Variants in TSHZ1 observed in about 807,000 individuals in gnomAD.
The protein encoded by TSHZ1 is teashirt homolog 1.
Under a neutral mutation model 67.1 loss-of-function variants are expected in TSHZ1, and 12 were observed. That is an observed-to-expected ratio of 0.18 (90% CI 0.11 to 0.29). The LOEUF is 0.29. Ranked by LOEUF, TSHZ1 falls within the 10% of genes least tolerant of loss-of-function variation. The pLI is 1.00. For synonymous variants in TSHZ1, 632 were observed against 622.4 expected (o/e 1.02, Z -0.23); for missense variants, 1,305 against 1,413.9 (o/e 0.92, Z 1.23).
intron 1 of TSHZ1, among the ~76,000 whole-genome samples, chr18:75,217,739 ATGT>A (rs1483362900): frequency 6.6e-6 from 1 of 152,200 alleles, no homozygotes; most frequent in Non-Finnish European, 1.5e-5. Context: ...CACGAAGAGC[ATGT>A]TGTTATGTTG....
intron 1 of TSHZ1, among the ~76,000 whole-genome samples, chr18:75,278,386 A>G (rs1051469859): frequency 3.3e-5 from 5 of 152,118 alleles, no homozygotes; most frequent in African/African-American, 4.8e-5. Flanking sequence ...TCCTGTTTGG[A>G]GGCACCTGGG....
At chr18:75,241,128 C>T (rs894151959) in intron 1 of TSHZ1, among the ~76,000 whole-genome samples, 5 of 152,128 alleles carry the variant, frequency 3.3e-5, no homozygotes, top group Non-Finnish European at 7.4e-5. Flanking sequence ...TTATTGAGCA[C>T]GTGTTGTTTT....
Position 75,281,879 on chromosome 18 carries a change from C to T in TSHZ1, c.41-3569C>T, listed in dbSNP as rs1231130735. Among the ~76,000 whole-genome samples the T allele has an allele frequency of 6.6e-6, 1 of 152,188 alleles. No individual in the cohort carries two copies. Among genetic ancestry groups the T allele is most frequent in the Non-Finnish European group, 1.5e-5 (1 of 67,972 alleles). On this transcript the variant is annotated intron_variant, in intron 1 of 1. Transcript: ENST00000580243. The surrounding 1 kb of genome is among the most constrained non-coding windows in gnomAD (Gnocchi z 5.3). ...GGCCCAGCCTTCACCCTGGTCCACA[C>T]GGGGCTCCCTGCCTTCCAAAAGTGT...
chr18:75,271,307 CT>C (rs1332094647), intron 1 of TSHZ1, among the ~76,000 whole-genome samples: 1 of 152,214 alleles, frequency 6.6e-6, no homozygotes, highest in Non-Finnish European at 1.5e-5. Context: ...CCTCCAGCCT[CT>C]CCTTCGGATA....
chr18:75,270,446 T>TA (rs1395645127), intron 1 of TSHZ1, among the ~76,000 whole-genome samples: 1 of 152,220 alleles, frequency 6.6e-6, no homozygotes, highest in Middle Eastern at 3.2e-3. Context: ...ATTCTGTGGG[T>TA]ATGAAATGTT....
At chr18:75,231,779 C>T (rs1024522524) in intron 1 of TSHZ1, among the ~76,000 whole-genome samples, 1 of 152,098 alleles carries the variant, frequency 6.6e-6, no homozygotes, top group African/African-American at 2.4e-5. Context: ...GGTGATCCTC[C>T]CGCTTTGGCC....
At chr18:75,228,584 CT>C (rs2022955502) in intron 1 of TSHZ1, among the ~76,000 whole-genome samples, 1 of 152,220 alleles carries the variant, frequency 6.6e-6, no homozygotes, top group African/African-American at 2.4e-5. Context: ...CACAGTTATC[CT>C]TGTGTGCCTA....
At chr18:75,243,109 C>T (rs1390435155) in intron 1 of TSHZ1, among the ~76,000 whole-genome samples, 2 of 152,172 alleles carry the variant, frequency 1.3e-5, no homozygotes, top group Non-Finnish European at 2.9e-5. Context: ...GCAGCTGGGG[C>T]ATGGCTGGCA....
chr18:75,212,210 C>T (rs2022705548), intron 1 of TSHZ1, among the ~76,000 whole-genome samples: 1 of 152,168 alleles, frequency 6.6e-6, no homozygotes, highest in South Asian at 2.1e-4. Flanking sequence ...TTCTGGCTAC[C>T]TCAGGAGGGG....
Position 75,288,285 on chromosome 18 carries a change from C to G in TSHZ1, c.2878C>G (p.Leu960Val). ...QLRRTGGTKF[L>V]KNLDTGHPVF... ...GAGGAGGACAGGGGGAACGAAATTC[C>G]TAAAGAACCTGGACACAGGGCATCC... Residue 960 changes from leucine to valine, a missense_variant, in exon 2 of 2, where the codon CTA (leucine) becomes GTA (valine). By Grantham distance (32) the Leu-to-Val change is conservative. Coordinates refer to ENST00000580243, the MANE Select transcript of TSHZ1 (RefSeq NM_001308210.2). This position sits in a 1 kb window ranked among gnomAD's most constrained non-coding sequence, Gnocchi z 4.9. 6.2e-7 allele frequency: 1 copy of G among 1,614,232 alleles called. No homozygotes were observed. The highest frequency in any genetic ancestry group is 8.5e-7 in the Non-Finnish European group (1 of 1,180,050).
rs1282584271 is a variant in TSHZ1, at chr18:75,286,434, G to A, written c.1027G>A (p.Ala343Thr). ...AGTGCCTCTGAAGGAGCCAGTGCCA[G>A]CCATCACCAAACTGGTCCCCTCCAC... ...QKVPLKEPVPAITKLVPSTKK... is the reference protein window; with the variant it reads ...QKVPLKEPVPTITKLVPSTKK... The change falls in exon 2 of 2, where the codon GCC (alanine) becomes ACC (threonine). Residue 343 changes from alanine to threonine, a missense_variant. Ala to Thr is a moderately conservative substitution (Grantham distance 58). Transcript: ENST00000580243. The surrounding 1 kb of genome is among the most constrained non-coding windows in gnomAD (Gnocchi z 5.1). The A allele has an allele frequency of 1.2e-6, 2 of 1,614,086 alleles. No homozygotes were observed. The highest frequency in any genetic ancestry group is 2.7e-5 in the African/African-American group (2 of 74,938).
At chr18:75,253,101 T>C (rs548223127) in intron 1 of TSHZ1, among the ~76,000 whole-genome samples, 149 of 152,368 alleles carry the variant, frequency 9.8e-4, no homozygotes, top group Non-Finnish European at 1.8e-3. Flanking sequence ...CTATTAAGTT[T>C]TGTGAGTTTT....
chr18:75,211,988 G>A (rs2022699816), intron 1 of TSHZ1, 72 bp downstream of exon 1: 2 of 1,137,898 alleles, frequency 1.8e-6, no homozygotes, highest in African/African-American at 1.6e-5. Context: ...TTCGCGGGCC[G>A]AGGTGCGGGA....
At chr18:75,279,537 C>T (rs1272837899) in intron 1 of TSHZ1, among the ~76,000 whole-genome samples, 1 of 152,032 alleles carries the variant, frequency 6.6e-6, no homozygotes, top group Non-Finnish European at 1.5e-5. Flanking sequence ...ATGGAGAACC[C>T]CCTGCAGTGG....
chr18:75,212,092 C>T (rs1372750450), intron 1 of TSHZ1, among the ~76,000 whole-genome samples, 176 bp downstream of exon 1: 1 of 152,000 alleles, frequency 6.6e-6, no homozygotes, highest in Non-Finnish European at 1.5e-5. Flanking sequence ...CTCCCCCACA[C>T]CCCCAACCTG....
At chr18:75,258,164 C>T (rs1158423773) in intron 1 of TSHZ1, among the ~76,000 whole-genome samples, 1 of 152,186 alleles carries the variant, frequency 6.6e-6, no homozygotes, top group Non-Finnish European at 1.5e-5. Context: ...AGTACAGGGA[C>T]CCTTCCTCTG....
At chr18:75,280,874 A>T (rs1736340895) in intron 1 of TSHZ1, 3 of 964,144 alleles carry the variant, frequency 3.1e-6, no homozygotes, top group Non-Finnish European at 3.7e-6. Flanking sequence ...AGAGGGTGGC[A>T]TAAGGAGATG....
rs148699993 is a variant in TSHZ1 at position 75,287,707 on chromosome 18, C to T, written c.2300C>T (p.Ser767Leu). The T allele has an allele frequency of 2.2e-5, 36 of 1,614,180 alleles. No individual in the cohort carries two copies. In the African/African-American group the frequency reaches 4.1e-4, roughly 19 times the overall value. The change falls in exon 2 of 2, where the codon TCG becomes TTG. Residue 767 changes from serine to leucine, a missense_variant. By Grantham distance (145) the Ser-to-Leu change is moderately radical (BLOSUM62 -2). Transcript: ENST00000580243. This position sits in a 1 kb window ranked among gnomAD's most constrained non-coding sequence, Gnocchi z 5.0. ...AAGGTGTCCAAGCCCGTGAGTCCCT[C>T]GCTGGACCCGCTGGCGATGCTGTAC... ...LGKVSKPVSP[S>L]LDPLAMLYKI... is the part of the protein sequence containing the mutation.
chr18:75,239,173 C>G (rs2023121975), intron 1 of TSHZ1, among the ~76,000 whole-genome samples: 1 of 152,244 alleles, frequency 6.6e-6, no homozygotes, highest in African/African-American at 2.4e-5. Flanking sequence ...TCTGGAAGGG[C>G]CAGCGCAGGC....
Sources: gnomAD v4.1 joint callset for allele counts (sites outside exome capture counted in the v4.1 genomes callset) on GRCh38, gnomAD v4.1.1 for gene constraint, Gnocchi (gnomAD v3.1) non-coding constraint, MANE v1.5 for transcripts, NCBI Gene and HGNC (gene_info 2026-07-23, HGNC 2026-07-21) for gene names.